Variants in MAGI2 observed in about 807,000 individuals in gnomAD.
The protein encoded by MAGI2 is membrane associated guanylate kinase, WW and PDZ domain containing 2, also known as membrane-associated guanylate kinase, WW and PDZ domain-containing protein 2.
MAGI2 carries 35 observed loss-of-function variants against 133.3 expected under a neutral mutation model. The ratio of observed to expected loss-of-function variants is 0.26; its 90% CI spans 0.20 to 0.35. The LOEUF is 0.35. Among genes scored for constraint, MAGI2 ranks in the 10% least tolerant of loss-of-function variants. The pLI is 1.00. For synonymous variants in MAGI2, 729 were observed against 710.6 expected, an observed-to-expected ratio of 1.03 and a Z score of -0.41; for missense variants, 1,636 against 1,863.4, an observed-to-expected ratio of 0.88 and a Z score of 2.25.
chr7:78,788,639 C>T (rs1307063754), intron 2 of MAGI2, among the ~76,000 whole-genome samples: 2 of 151,498 alleles, frequency 1.3e-5, no homozygotes, highest in African/African-American at 4.8e-5. Flanking sequence ...CACAGATGTG[C>T]AATCCAGTTT....
intron 10 of MAGI2, among the ~76,000 whole-genome samples, chr7:78,208,922 G>A (rs1027655105): frequency 6.6e-6 from 1 of 151,802 alleles, no homozygotes; most frequent in Non-Finnish European, 1.5e-5. Context: ...TGCCCTCTGA[G>A]GTTTTAAGAC....
intron 2 of MAGI2, among the ~76,000 whole-genome samples, chr7:78,671,584 G>A (rs147147413): frequency 3.3e-4 from 50 of 152,116 alleles, no homozygotes; most frequent in African/African-American, 1.1e-3. Flanking sequence ...GGTAAAGCAG[G>A]GAATGTATAA....
intron 2 of MAGI2, among the ~76,000 whole-genome samples, chr7:78,658,661 A>T (rs1812571182): frequency 6.6e-6 from 1 of 152,242 alleles, no homozygotes. Flanking sequence ...AAACGGGCAA[A>T]TGACAGCAAG....
At chr7:78,856,230 T>C (rs1265201846) in intron 2 of MAGI2, among the ~76,000 whole-genome samples, 5 of 152,220 alleles carry the variant, frequency 3.3e-5, no homozygotes, top group African/African-American at 1.2e-4. Context: ...TACTTTCTTT[T>C]GCTGTGCAGA....
chr7:78,977,556 G>T (rs1804401968), intron 2 of MAGI2, among the ~76,000 whole-genome samples: 1 of 150,786 alleles, frequency 6.6e-6, no homozygotes, highest in Admixed American at 6.6e-5. Context: ...TACACAAAAA[G>T]TTAATCTAAA....
intron 2 of MAGI2, among the ~76,000 whole-genome samples, chr7:78,710,157 T>C (rs1021188791): frequency 6.6e-6 from 1 of 152,140 alleles, no homozygotes; most frequent in African/African-American, 2.4e-5. Flanking sequence ...TAAGTACATA[T>C]TACATTATTT....
At chr7:78,462,379 T>C (rs1790154379) in intron 6 of MAGI2, among the ~76,000 whole-genome samples, 2 of 152,124 alleles carry the variant, frequency 1.3e-5, no homozygotes, top group Non-Finnish European at 1.5e-5. Flanking sequence ...CAATGAAAAA[T>C]GTATCGCTAT....
chr7:78,746,867 A>G (rs1195077191), intron 2 of MAGI2, among the ~76,000 whole-genome samples: 1 of 152,252 alleles, frequency 6.6e-6, no homozygotes, highest in Non-Finnish European at 1.5e-5. Context: ...ACTTAAATGC[A>G]TAAACTATAA....
chr7:79,078,980 T>G (rs2129541747), intron 1 of MAGI2, among the ~76,000 whole-genome samples: 1 of 152,306 alleles, frequency 6.6e-6, no homozygotes, highest in Non-Finnish European at 1.5e-5. Context: ...CAATCTTTCA[T>G]AGATAAATAC....
At chr7:78,909,457 G>A (rs1277239731) in intron 2 of MAGI2, among the ~76,000 whole-genome samples, 3 of 149,804 alleles carry the variant, frequency 2.0e-5, no homozygotes, top group African/African-American at 7.4e-5. Flanking sequence ...AAAAAAATTA[G>A]CCAGGCGTGG....
chr7:78,674,105 T>G (rs1261226539), intron 2 of MAGI2, among the ~76,000 whole-genome samples: 1 of 152,204 alleles, frequency 6.6e-6, no homozygotes, highest in African/African-American at 2.4e-5. Context: ...AACAATTTTT[T>G]GCTATACAGT....
In MAGI2 at chr7:79,093,714, C is replaced by CTT. The variant is rs369075503; in HGVS notation, c.302-86510_302-86509dup. Among the ~76,000 whole-genome samples, 101 of 113,288 alleles carry CTT rather than the reference C, an allele frequency of 8.9e-4. 1 individual carries two copies. The highest frequency in any genetic ancestry group is 3.0e-3 in the African/African-American group (90 of 29,984). 74.3% of individuals were successfully genotyped at this position (113,288 alleles called of 152,430 possible). A position where few individuals can be genotyped will look rare whatever the true frequency, so the allele number is the denominator to read the frequency against. On this transcript the variant is annotated intron_variant, in intron 1 of 21. Transcript: ENST00000354212. The stretch of plus-strand genomic sequence containing the variant: ...TTTCTCTTTCTTTTTCTTTTCTTTT[C>CTT]TTTTTTTTTTTTTTTTTTAGATGGA...
intron 1 of MAGI2, among the ~76,000 whole-genome samples, chr7:79,331,668 T>C (rs1563123593): frequency 6.6e-6 from 1 of 152,192 alleles, no homozygotes; most frequent in Non-Finnish European, 1.5e-5. Flanking sequence ...CATGGATCTT[T>C]TGATTTTGCC....
At chr7:78,709,356 T>C (rs182162985) in intron 2 of MAGI2, among the ~76,000 whole-genome samples, 5 of 151,956 alleles carry the variant, frequency 3.3e-5, no homozygotes, top group Admixed American at 2.6e-4. Context: ...TCTGTGCCTC[T>C]GCAAATTATC....
intron 1 of MAGI2, among the ~76,000 whole-genome samples, chr7:79,321,410 A>G (rs901320009): frequency 4.6e-5 from 7 of 152,152 alleles, no homozygotes; most frequent in Non-Finnish European, 5.9e-5. Context: ...TTAAAAGTAA[A>G]AGATGAGGTC....
chr7:78,048,790 T>A (rs1811698795), intron 21 of MAGI2, among the ~76,000 whole-genome samples: 1 of 152,160 alleles, frequency 6.6e-6, no homozygotes, highest in Non-Finnish European at 1.5e-5. Context: ...TTCCAATGAA[T>A]ATAAGGAAAG....
intron 1 of MAGI2, among the ~76,000 whole-genome samples, chr7:79,278,305 T>C (rs1483447530): frequency 6.6e-6 from 1 of 152,210 alleles, no homozygotes; most frequent in African/African-American, 2.4e-5. Context: ...GCCAAACAGA[T>C]GCTGGTGCCA....
At chr7:78,746,111 T>C (rs1260435769) in intron 2 of MAGI2, among the ~76,000 whole-genome samples, 1 of 152,206 alleles carries the variant, frequency 6.6e-6, no homozygotes, top group Non-Finnish European at 1.5e-5. Context: ...GACTATGAGC[T>C]TCACTTTGTC....
At chr7:79,380,817 A>T (rs1225218675) in intron 1 of MAGI2, among the ~76,000 whole-genome samples, 1 of 151,758 alleles carries the variant, frequency 6.6e-6, no homozygotes, top group African/African-American at 2.4e-5. Flanking sequence ...AAGAAAATAC[A>T]CTTCTTTAAA....
Sources: allele counts gnomAD v4.1 joint callset (sites outside exome capture counted in the v4.1 genomes callset), GRCh38; gene constraint gnomAD v4.1.1; transcripts MANE v1.5; gene names NCBI Gene and HGNC (gene_info 2026-07-23, HGNC 2026-07-21).